Variants in RBFOX1 observed in about 807,000 individuals in gnomAD.
RBFOX1 encodes the protein RNA binding protein fox-1 homolog 1.
A neutral mutation model predicts 57.7 loss-of-function variants in RBFOX1; 8 were observed. That is an observed-to-expected ratio of 0.14 (90% CI 0.08 to 0.25). The LOEUF (loss-of-function observed/expected upper bound fraction) is 0.25. RBFOX1 is among the 10% of genes least tolerant of loss of function. The pLI is 1.00. For missense variants in RBFOX1, 611 were observed against 548.5 expected, an observed-to-expected ratio of 1.11 and a Z score of -1.14; for synonymous variants, 326 against 222.4, an observed-to-expected ratio of 1.47 and a Z score of -4.15.
chr16:6,019,563 G>A lies in RBFOX1; in HGVS notation c.-556G>A. 8.7e-7 allele frequency: 1 copy of A among 1,147,664 alleles called. No individual in the cohort carries two copies. 71.1% of individuals were successfully genotyped at this position (1,147,664 alleles called of 1,614,324 possible). A position where few individuals can be genotyped will look rare whatever the true frequency, so the allele number is the denominator to read the frequency against. On this transcript the variant is annotated 5_prime_UTR_variant, in exon 1 of 16. Transcript: ENST00000550418. The surrounding 1 kb of genome is among the most constrained non-coding windows in gnomAD (Gnocchi z 4.2). ...GGGAACAGCAGAGGCGGCGGCACTG[G>A]CTGGACCCACGCGCGCGCCTCCGGG...
At position 7,234,689 on chromosome 16, in the gene RBFOX1, G is replaced by GTATATA. The variant is rs58239562; in HGVS notation, c.27+182597_27+182602dup. ...ATGTATACATATTTTATATATATAT[G>GTATATA]TATATATATATGTTATATATATAAG... On this transcript the variant is annotated intron_variant, in intron 4 of 15. Coordinates refer to ENST00000550418, the MANE Select transcript of RBFOX1 (RefSeq NM_018723.4). Among the ~76,000 whole-genome samples, 806 of 146,670 alleles carry GTATATA rather than the reference G, an allele frequency of 5.5e-3. 12 individuals are homozygous for GTATATA. Among genetic ancestry groups the GTATATA allele is most frequent in the African/African-American group, 0.018 (700 of 39,984 alleles).
intron 3 of RBFOX1, among the ~76,000 whole-genome samples, chr16:6,696,917 C>A (rs1485600515): frequency 1.3e-5 from 2 of 152,150 alleles, no homozygotes; most frequent in African/African-American, 2.4e-5. Context: ...TCTTGCAAAA[C>A]CCCCAATATA....
intron 2 of RBFOX1, among the ~76,000 whole-genome samples, chr16:6,515,457 T>C (rs2096357100): frequency 6.6e-6 from 1 of 152,212 alleles, no homozygotes; most frequent in African/African-American, 2.4e-5. Context: ...TCTTAGAATC[T>C]AAGACATAAC....
intron 4 of RBFOX1, among the ~76,000 whole-genome samples, chr16:5,868,167 C>A (rs1442433714): frequency 1.3e-5 from 2 of 152,194 alleles, no homozygotes; most frequent in Admixed American, 6.5e-5. Flanking sequence ...TGGGCTCCTG[C>A]AAAATATGCC....
intron 3 of RBFOX1, among the ~76,000 whole-genome samples, chr16:6,889,737 T>C (rs557894401): frequency 6.6e-6 from 1 of 152,170 alleles, no homozygotes; most frequent in African/African-American, 2.4e-5. Context: ...TTGTGTAATC[T>C]TGGAATAGAC....
intron 1 of RBFOX1, chr16:5,270,618 A>C: frequency 1.7e-6 from 1 of 584,506 alleles, no homozygotes; most frequent in Admixed American, 2.1e-5. Context: ...CGCAACAATC[A>C]GATACTGAAG....
intron 1 of RBFOX1, among the ~76,000 whole-genome samples, chr16:6,102,690 G>A (rs1188886287): frequency 1.3e-5 from 2 of 152,056 alleles, no homozygotes; most frequent in African/African-American, 4.8e-5. Flanking sequence ...TTTATAGAAC[G>A]GTTATTGAAT....
chr16:5,662,491 G>A (rs1470558269), intron 3 of RBFOX1, among the ~76,000 whole-genome samples: 3 of 152,112 alleles, frequency 2.0e-5, no homozygotes, highest in Middle Eastern at 3.2e-3. Flanking sequence ...CATGCCCATA[G>A]CATCAGAGTA....
intron 1 of RBFOX1, among the ~76,000 whole-genome samples, chr16:6,269,158 G>A: frequency 6.6e-6 from 1 of 152,154 alleles, no homozygotes. Flanking sequence ...TCTCTTCTCT[G>A]CTGTTTTCAA....
chr16:7,183,294 T>C (rs775718375), intron 4 of RBFOX1, among the ~76,000 whole-genome samples: 1 of 152,156 alleles, frequency 6.6e-6, no homozygotes. Context: ...AAGTGTATCG[T>C]GCTTGTCAAT....
chr16:6,193,757 T>A (rs1471803378), intron 1 of RBFOX1, among the ~76,000 whole-genome samples: 2 of 152,070 alleles, frequency 1.3e-5, no homozygotes, highest in Non-Finnish European at 2.9e-5. Context: ...ATTTTGGGTC[T>A]TTTCCTGTTT....
intron 3 of RBFOX1, among the ~76,000 whole-genome samples, chr16:6,981,302 G>C (rs1207259468): frequency 1.3e-5 from 2 of 151,658 alleles, no homozygotes; most frequent in African/African-American, 2.4e-5. Context: ...CCTGTGTTTT[G>C]TCCCCCTCTA....
At chr16:6,751,255 C>T (rs1331681713) in intron 3 of RBFOX1, among the ~76,000 whole-genome samples, 1 of 152,156 alleles carries the variant, frequency 6.6e-6, no homozygotes, top group East Asian at 1.9e-4. Context: ...TTTTTATTGA[C>T]TCTAGAATGG....
intron 3 of RBFOX1, among the ~76,000 whole-genome samples, chr16:6,975,880 A>C (rs577582691): frequency 6.6e-6 from 1 of 152,174 alleles, no homozygotes; most frequent in Non-Finnish European, 1.5e-5. Context: ...TAATCGCAGC[A>C]CTTTGGGAGG....
chr16:6,123,124 C>G lies in RBFOX1; in HGVS notation c.-127+103132C>G, dbSNP rs148821858. Among the ~76,000 whole-genome samples, 22 of 152,198 alleles carry G rather than the reference C, an allele frequency of 1.4e-4. No homozygotes were observed. In the East Asian group the frequency reaches 2.9e-3, roughly 20 times the overall value. ...CTCAAAAGGCTACACCTAAAATTGC[C>G]TTATGATGCAGCATTTCCATTCCTA... On this transcript the variant is annotated intron_variant, in intron 1 of 15. Transcript: ENST00000550418.
At chr16:6,068,844 A>G (rs541487836) in intron 1 of RBFOX1, among the ~76,000 whole-genome samples, 2 of 152,268 alleles carry the variant, frequency 1.3e-5, no homozygotes, top group South Asian at 2.1e-4. Flanking sequence ...GTACCCGGTT[A>G]CAGGAATAAA....
At chr16:6,637,033 G>A in intron 2 of RBFOX1, among the ~76,000 whole-genome samples, 1 of 99,624 alleles carries the variant, frequency 1.0e-5, no homozygotes, top group African/African-American at 4.1e-5. Context: ...ACATTTATAT[G>A]GATAAATTAT....
At chr16:6,467,453 A>G (rs1393451142) in intron 2 of RBFOX1, among the ~76,000 whole-genome samples, 1 of 152,296 alleles carries the variant, frequency 6.6e-6, no homozygotes, top group South Asian at 2.1e-4. Flanking sequence ...TGTCCAGGCA[A>G]GGTGACTTTA....
At position 7,504,151 on chromosome 16, in the gene RBFOX1, C is replaced by G. The variant is rs374167366; in HGVS notation, c.28-13996C>G. Among the ~76,000 whole-genome samples, 37 of 152,220 alleles carry G rather than the reference C, an allele frequency of 2.4e-4. No individual in the cohort carries two copies. In the East Asian group the frequency reaches 5.8e-3, roughly 24 times the overall value. The stretch of plus-strand genomic sequence containing the variant: ...GGTACAAATTTCTTCATGGAACCAT[C>G]ATGACCTGAGATAATTTTCTTAGCG... On this transcript the variant is annotated intron_variant, in intron 4 of 15. Transcript: ENST00000550418.
Sources: allele counts gnomAD v4.1 joint callset (sites outside exome capture counted in the v4.1 genomes callset), GRCh38; gene constraint gnomAD v4.1.1; non-coding constraint Gnocchi (gnomAD v3.1); transcripts MANE v1.5; gene names NCBI Gene and HGNC (gene_info 2026-07-23, HGNC 2026-07-21).